Variants in PNKD observed in about 807,000 individuals in gnomAD.
The protein encoded by PNKD is PNKD metallo-beta-lactamase domain containing.
A neutral mutation model predicts 45.3 loss-of-function variants in PNKD; 36 were observed. The observed-to-expected ratio is 0.80, with a 90% CI of 0.61 to 1.05. PNKD has a LOEUF of 1.05. PNKD is among the 50% of genes least tolerant of loss of function. PNKD has a pLI of 0.00. For missense variants in PNKD, 511 were observed against 506.6 expected (o/e 1.01, Z -0.08); for synonymous variants, 197 against 210.1 (o/e 0.94, Z 0.54).
rs1182983061 is a variant in PNKD at position 218,340,169 on chromosome 2, G to A, written c.465+28G>A. 2 of 1,427,624 alleles carry A rather than the reference G, an allele frequency of 1.4e-6. No individual in the cohort carries two copies. The highest frequency in any genetic ancestry group is 9.9e-7 in the Non-Finnish European group (1 of 1,012,098). 88.4% of individuals were successfully genotyped at this position (1,427,624 alleles called of 1,614,324 possible). On this transcript the variant is annotated intron_variant, in intron 4 of 9. Transcript: ENST00000273077. This position sits in a 1 kb window ranked among gnomAD's most constrained non-coding sequence, Gnocchi z 4.2. The stretch of plus-strand genomic sequence containing the variant: ...GAGGGGAGGGCAGGGAGCAGGGGGT[G>A]CCTGGAGTCACCTTGGGGACTGGCA...
intron 2 of PNKD, among the ~76,000 whole-genome samples, chr2:218,291,480 G>A (rs1365675589): frequency 6.6e-6 from 1 of 152,156 alleles, no homozygotes; most frequent in African/African-American, 2.4e-5. Flanking sequence ...CTGGACACCT[G>A]AGGGCCCTTC....
intron 2 of PNKD, among the ~76,000 whole-genome samples, chr2:218,332,266 C>T (rs948666634): frequency 2.6e-5 from 4 of 152,110 alleles, no homozygotes; most frequent in South Asian, 4.1e-4. Flanking sequence ...GGTGAGGCTG[C>T]GCTGGGGGCA....
At chr2:218,291,515 TTCCCAGGCCTACTTA>T (rs1692927207) in intron 2 of PNKD, among the ~76,000 whole-genome samples, 2 of 152,120 alleles carry the variant, frequency 1.3e-5, no homozygotes, top group South Asian at 4.1e-4. Context: ...CTGACCTGCG[TTCCCAGGCCTACTTA>T]TCCCATGTCC....
At chr2:218,280,161 C>A in intron 2 of PNKD, 1 of 1,503,964 alleles carries the variant, frequency 6.6e-7, no homozygotes, top group African/African-American at 1.4e-5. Context: ...AGCTGGGGAC[C>A]TGAGACATGT....
intron 2 of PNKD, among the ~76,000 whole-genome samples, chr2:218,338,765 T>G (rs1337797368): frequency 6.7e-6 from 1 of 149,418 alleles, no homozygotes; most frequent in Admixed American, 6.7e-5. Flanking sequence ...ATTACAGGCG[T>G]GAGACACCAC....
chr2:218,271,674 G>A (rs1396415239), intron 2 of PNKD, 125 bp downstream of exon 2: 17 of 814,604 alleles, frequency 2.1e-5, no homozygotes, highest in Non-Finnish European at 3.4e-5. Flanking sequence ...GAATTGTTGG[G>A]TTCGATTGGA....
At chr2:218,282,347 C>A in intron 2 of PNKD, 1 of 489,260 alleles carries the variant, frequency 2.0e-6, no homozygotes, top group Non-Finnish European at 3.5e-6. Context: ...CACCTCCCCA[C>A]CAACTGGGCT....
At chr2:218,298,737 C>T (rs933997466) in intron 2 of PNKD, among the ~76,000 whole-genome samples, 1 of 152,152 alleles carries the variant, frequency 6.6e-6, no homozygotes, top group Non-Finnish European at 1.5e-5. Flanking sequence ...CGCCATGGAC[C>T]TCTGCCACCT....
At chr2:218,277,337 G>A (rs767042796) in intron 2 of PNKD, 1 of 1,602,966 alleles carries the variant, frequency 6.2e-7, no homozygotes. Flanking sequence ...GGAGTCGGGG[G>A]GCCAGGGAAG....
chr2:218,339,657 G>T, intron 2 of PNKD, 126 bp from the exon 3 acceptor site: 1 of 714,418 alleles, frequency 1.4e-6, no homozygotes. Flanking sequence ...TAATAAGTGA[G>T]AGTGGAATTG....
At position 218,340,692 on chromosome 2, in the gene PNKD, C is replaced by T. The variant is rs1205861206; in HGVS notation, c.466-36C>T. On this transcript the variant is annotated intron_variant, in intron 4 of 9. Transcript: ENST00000273077. The surrounding 1 kb of genome is among the most constrained non-coding windows in gnomAD (Gnocchi z 4.2). Reference sequence around the variant, plus strand: ...TGCTGCTTCAAGTGCCTCTTGCATCCTGCTCCCCAGTCTCCAAACCTCCTC... The same window carrying T: ...TGCTGCTTCAAGTGCCTCTTGCATCTTGCTCCCCAGTCTCCAAACCTCCTC... 3.2e-6 allele frequency: 5 copies of T among 1,562,728 alleles called. No homozygotes were observed. Among genetic ancestry groups the T allele is most frequent in the Non-Finnish European group, 3.5e-6 (4 of 1,133,330 alleles).
intron 1 of PNKD, chr2:218,271,048 T>C (rs1282574053): frequency 2.1e-6 from 1 of 479,624 alleles, no homozygotes; most frequent in African/African-American, 1.9e-5. Context: ...ACATTTGCAG[T>C]TTCAAAACCT....
chr2:218,343,941 A>C (rs559330946), intron 8 of PNKD, among the ~76,000 whole-genome samples: 3 of 152,380 alleles, frequency 2.0e-5, no homozygotes, highest in South Asian at 2.1e-4. Context: ...TCCACTCTGC[A>C]TGTAACCATT....
chr2:218,285,432 C>G (rs1692427779), intron 2 of PNKD, among the ~76,000 whole-genome samples: 1 of 152,204 alleles, frequency 6.6e-6, no homozygotes, highest in African/African-American at 2.4e-5. Context: ...GTTTTAGCCT[C>G]AACAGGAGGC....
chr2:218,342,044 T>C lies in PNKD; in HGVS notation c.681T>C (p.Pro227=). The part of the protein sequence containing the change: ...GRLQIRALAT[P]GHTQGHLVYL... ...TTCAGATCCGGGCCCTGGCTACACC[T>C]GGCCACACACAAGGCCATCTGGTCT... Residue 227 remains proline (P), a synonymous_variant, in exon 7 of 10, where the codon CCT becomes CCC. Transcript: ENST00000273077. 6.2e-7 allele frequency: 1 copy of C among 1,612,994 alleles called. No homozygotes were observed. Among genetic ancestry groups the C allele is most frequent in the Non-Finnish European group, 8.5e-7 (1 of 1,178,942 alleles).
intron 2 of PNKD, among the ~76,000 whole-genome samples, chr2:218,334,448 G>A (rs2106286887): frequency 6.6e-6 from 1 of 152,024 alleles, no homozygotes; most frequent in African/African-American, 2.4e-5. Context: ...GTAGAGCCTG[G>A]GCAACATTTG....
At chr2:218,286,508 C>T (rs951215342) in intron 2 of PNKD, 7 of 152,292 alleles carry the variant, frequency 4.6e-5, no homozygotes, top group African/African-American at 1.7e-4. Flanking sequence ...GCCCCAGTCC[C>T]CCATTAGGAA....
chr2:218,319,552 C>T (rs2382825), intron 2 of PNKD, among the ~76,000 whole-genome samples: 95,935 of 151,208 alleles, frequency 0.63, 30,420 homozygotes, highest in South Asian at 0.68. Context: ...ATTTTTGTAT[C>T]TTTAGTAGAG....
At chr2:218,323,259 G>A in intron 2 of PNKD, 1 of 1,503,886 alleles carries the variant, frequency 6.6e-7, no homozygotes. Flanking sequence ...GCGCGTGCCT[G>A]CCCCCAGCAT....
Sources: allele counts gnomAD v4.1 joint callset (sites outside exome capture counted in the v4.1 genomes callset), GRCh38; gene constraint gnomAD v4.1.1; non-coding constraint Gnocchi (gnomAD v3.1); transcripts MANE v1.5; gene names NCBI Gene and HGNC (gene_info 2026-07-23, HGNC 2026-07-21).